TFPI: variants seen among roughly 807,000 people sequenced by gnomAD.
The protein encoded by TFPI is anti-convertin.
Under a neutral mutation model 34.6 loss-of-function variants are expected in TFPI, and 15 were observed. The observed-to-expected ratio is 0.43, with a 90% CI of 0.29 to 0.67. TFPI has a LOEUF of 0.67. Among genes scored for constraint, TFPI ranks in the 30% least tolerant of loss-of-function variants. TFPI has a pLI of 0.15. For missense variants in TFPI, 301 were observed against 364.0 expected (o/e 0.83, Z 1.41); for synonymous variants, 105 against 120.1 (o/e 0.87, Z 0.82).
chr2:187,508,022 T>C (rs1686348869), intron 1 of TFPI, among the ~76,000 whole-genome samples: 1 of 152,238 alleles, frequency 6.6e-6, no homozygotes, highest in Non-Finnish European at 1.5e-5. Flanking sequence ...TTCTGTTTTC[T>C]GCACATGGCT....
intron 6 of TFPI, among the ~76,000 whole-genome samples, chr2:187,472,170 A>G (rs969492476): frequency 6.6e-6 from 1 of 152,134 alleles, no homozygotes; most frequent in Admixed American, 6.5e-5. Context: ...TTAATATAAT[A>G]TTCTATATTA....
Position 187,466,820 on chromosome 2 carries a change from T to C in TFPI, c.*116A>G. 1.8e-6 allele frequency: 1 copy of C among 569,822 alleles called. No individual in the cohort carries two copies. The highest frequency in any genetic ancestry group is 2.4e-5 in the South Asian group (1 of 42,000). 35.3% of individuals were successfully genotyped at this position (569,822 alleles called of 1,614,324 possible). On this transcript the variant is annotated 3_prime_UTR_variant, in exon 8 of 8. Coordinates refer to ENST00000233156, the MANE Select transcript of TFPI (RefSeq NM_006287.6). ...GTGTTGATAACAAGTACAATAAGCA[T>C]AGAAAATTTAATGAACATATTAATT...
At chr2:187,483,933 T>C (rs1215830275) in intron 6 of TFPI, 191 bp downstream of exon 6, 2 of 553,250 alleles carry the variant, frequency 3.6e-6, no homozygotes, top group Non-Finnish European at 6.2e-6. Context: ...TTAAAATAGA[T>C]TAGGAAAATT....
rs1490463397 is a variant in TFPI at position 187,489,473 on chromosome 2, TTAA to T, written c.320-1101_320-1099del. Among the ~76,000 whole-genome samples the T allele has an allele frequency of 2.6e-5, 4 of 151,542 alleles. No homozygotes were observed. In the East Asian group the frequency reaches 7.7e-4, roughly 29 times the overall value. On this transcript the variant is annotated intron_variant, in intron 3 of 7. Coordinates refer to ENST00000233156, the MANE Select transcript of TFPI (RefSeq NM_006287.6). ...TTCACTGCAACTAACCAACTTCATA[TTAA>T]TGTTTTCAACTAGATTGTAGACTGT...
chr2:187,506,786 G>A, intron 1 of TFPI, among the ~76,000 whole-genome samples: 1 of 152,058 alleles, frequency 6.6e-6, no homozygotes, highest in East Asian at 1.9e-4. Context: ...ATTATGACAA[G>A]GATACATACT....
chr2:187,516,196 A>C (rs1442281821), intron 1 of TFPI: 2 of 152,248 alleles, frequency 1.3e-5, no homozygotes, highest in Non-Finnish European at 2.9e-5. Context: ...ACTTGCTAGC[A>C]GCTGAAGAAG....
At chr2:187,495,571 A>G (rs1411707520) in intron 3 of TFPI, among the ~76,000 whole-genome samples, 1 of 152,186 alleles carries the variant, frequency 6.6e-6, no homozygotes, top group Non-Finnish European at 1.5e-5. Flanking sequence ...ATTCGTGTCT[A>G]TTCTCTTCTT....
At chr2:187,497,753 T>C (rs1388793064) in intron 2 of TFPI, among the ~76,000 whole-genome samples, 1 of 151,986 alleles carries the variant, frequency 6.6e-6, no homozygotes, top group African/African-American at 2.4e-5. Flanking sequence ...AACAGAATTT[T>C]CTATCCTGGG....
chr2:187,486,062 G>T (rs1693238934), intron 4 of TFPI, among the ~76,000 whole-genome samples: 1 of 151,646 alleles, frequency 6.6e-6, no homozygotes, highest in South Asian at 2.1e-4. Context: ...ATTTTATTAA[G>T]TAAAACTTCC....
chr2:187,531,024 T>C (rs1467190840), intron 1 of TFPI, among the ~76,000 whole-genome samples: 2 of 152,228 alleles, frequency 1.3e-5, no homozygotes, highest in East Asian at 3.8e-4. Context: ...CACCTTTGTT[T>C]CTCACAAAAC....
intron 6 of TFPI, among the ~76,000 whole-genome samples, chr2:187,478,391 A>C (rs183779704): frequency 2.0e-5 from 3 of 152,116 alleles, no homozygotes; most frequent in Non-Finnish European, 4.4e-5. Context: ...ACAAAACAGA[A>C]CAAAACAAAA....
chr2:187,528,406 AT>A (rs1687787331), intron 1 of TFPI, among the ~76,000 whole-genome samples: 1 of 152,210 alleles, frequency 6.6e-6, no homozygotes, highest in African/African-American at 2.4e-5. Flanking sequence ...AATACAAAGC[AT>A]TTATATACCA....
chr2:187,540,880 G>GC (rs1454608206), intron 1 of TFPI, among the ~76,000 whole-genome samples: 1 of 104,980 alleles, frequency 9.5e-6, no homozygotes, highest in African/African-American at 4.0e-5. Context: ...GACAGAGTGA[G>GC]ACTCCATCTC....
rs564009027 is a variant in TFPI, at chr2:187,539,902, T to C, written c.-3+14298A>G. Among the ~76,000 whole-genome samples the C allele has an allele frequency of 4.4e-4, 65 of 148,760 alleles. 1 individual carries two copies. The South Asian group carries it at 0.013, about 29-fold the overall frequency. On this transcript the variant is annotated intron_variant, in intron 1 of 7. Coordinates refer to ENST00000233156, the MANE Select transcript of TFPI (RefSeq NM_006287.6). Reference sequence around the variant, plus strand: ...CCACCACCCATTACGTCATCTTCTTTTTTTTTTTTTTTTTTGAGACGGAGC... The same window carrying C: ...CCACCACCCATTACGTCATCTTCTTCTTTTTTTTTTTTTTTGAGACGGAGC...
intron 2 of TFPI, among the ~76,000 whole-genome samples, chr2:187,500,779 G>A (rs1327872819): frequency 6.6e-6 from 1 of 152,176 alleles, no homozygotes; most frequent in Admixed American, 6.5e-5. Flanking sequence ...CTCAAGCAAT[G>A]GCCAGGTGTG....
At chr2:187,513,693 A>G (rs1686801532) in intron 1 of TFPI, 1 of 152,636 alleles carries the variant, frequency 6.6e-6, no homozygotes, top group Non-Finnish European at 1.5e-5. Context: ...TCAAGAAAGC[A>G]CCACCCCCTC....
intron 1 of TFPI, chr2:187,514,899 T>C (rs1178438065): frequency 6.6e-6 from 1 of 152,258 alleles, no homozygotes; most frequent in African/African-American, 2.4e-5. Flanking sequence ...GGGTGACAGT[T>C]AATAAAAATG....
intron 3 of TFPI, among the ~76,000 whole-genome samples, chr2:187,495,411 A>C (rs1278019128): frequency 6.6e-6 from 1 of 152,190 alleles, no homozygotes; most frequent in African/African-American, 2.4e-5. Flanking sequence ...GGGGTATAGA[A>C]ATCTGTGATG....
chr2:187,504,903 C>T (rs1472621080), intron 1 of TFPI, among the ~76,000 whole-genome samples: 1 of 152,060 alleles, frequency 6.6e-6, no homozygotes, highest in East Asian at 1.9e-4. Context: ...TGTTATTATG[C>T]TTTAAGTTTC....
Sources: allele counts gnomAD v4.1 joint callset (sites outside exome capture counted in the v4.1 genomes callset), GRCh38; gene constraint gnomAD v4.1.1; transcripts MANE v1.5; gene names NCBI Gene and HGNC (gene_info 2026-07-23, HGNC 2026-07-21).